Variants in NXPH4 observed in about 807,000 individuals in gnomAD.
NXPH4 encodes the protein neurexophilin-4.
Under a neutral mutation model 21.3 loss-of-function variants are expected in NXPH4, and 8 were observed. The ratio of observed to expected loss-of-function variants is 0.38; its 90% CI spans 0.22 to 0.68. NXPH4 has a LOEUF of 0.68. Ranked by LOEUF, NXPH4 falls within the 30% of genes least tolerant of loss-of-function variation. NXPH4 has a pLI of 0.53. For missense variants in NXPH4, 418 were observed against 416.8 expected (o/e 1.00, Z -0.03); for synonymous variants, 219 against 192.6 (o/e 1.14, Z -1.13).
chr12:57,224,904 C>A lies in NXPH4; in HGVS notation c.84C>A (p.Ser28=). Residue 28 remains serine (S), a synonymous_variant, in exon 2 of 2, where the codon TCC becomes TCA. Coordinates refer to ENST00000349394, the MANE Select transcript of NXPH4 (RefSeq NM_007224.4). ...RKAVSAQIPE[S]GRPQYLGLRP... is the part of the protein sequence containing the mutation. ...CCGTCAGTGCCCAGATACCAGAGTC[C>A]GGAAGGCCGCAGTACCTGGGGCTGC... The A allele has an allele frequency of 8.5e-7, 1 of 1,182,782 alleles. No individual in the cohort carries two copies. The highest frequency in any genetic ancestry group is 1.1e-6 in the Non-Finnish European group (1 of 882,836). 73.3% of individuals were successfully genotyped at this position (1,182,782 alleles called of 1,614,324 possible). A position where few individuals can be genotyped will look rare whatever the true frequency, so the allele number is the denominator to read the frequency against.
At position 57,216,841 on chromosome 12, in the gene NXPH4, TCCCGCCGC is replaced by T; in HGVS notation, c.-128_-121del. The T allele has an allele frequency of 5.4e-4, 1 of 1,846 alleles. No individual in the cohort carries two copies. The highest frequency in any genetic ancestry group is 2.1e-3 in the Non-Finnish European group (1 of 482). The allele number at this position is 1,846 out of a possible 1,614,324, so 0.1% of individuals were successfully genotyped here. ...CCCAGTCCGCGGGCCGCGCCGCCGC[TCCCGCCGC>T]TCCCGCCGCTCCCGCCGCTCCCGCA... is the stretch of plus-strand genomic sequence containing the variant. On this transcript the variant is annotated 5_prime_UTR_variant, in exon 1 of 2. Transcript: ENST00000349394. This position sits in a 1 kb window ranked among gnomAD's most constrained non-coding sequence, Gnocchi z 5.3.
rs1446267524 is a variant in NXPH4 at position 57,225,406 on chromosome 12, G to A, written c.586G>A (p.Ala196Thr). 4 of 1,601,852 alleles carry A rather than the reference G, an allele frequency of 2.5e-6. No homozygotes were observed. The highest frequency in any genetic ancestry group is 2.5e-6 in the Non-Finnish European group (3 of 1,177,086). ...TGGGCTGGGGCCCCCGCTGGGGATG[G>A]CAGCAGCAGCGGCGGGGCCCGGGCT... ...LPGLGPPLGM[A>T]AAAAGPGLGG... is the part of the protein sequence containing the mutation. The change falls in exon 2 of 2, where the codon GCA (alanine) becomes ACA (threonine). Residue 196 changes from alanine to threonine, a missense_variant. By Grantham distance (58) the Ala-to-Thr change is moderately conservative. Transcript: ENST00000349394.
Position 57,226,238 on chromosome 12 carries a change from T to C in NXPH4, c.*491T>C, listed in dbSNP as rs2037147532. 5 of 361,672 alleles carry C rather than the reference T, an allele frequency of 1.4e-5. No individual in the cohort carries two copies. Among genetic ancestry groups the C allele is most frequent in the Non-Finnish European group, 2.0e-5 (4 of 201,502 alleles). The allele number at this position is 361,672 out of a possible 1,614,324, so 22.4% of individuals were successfully genotyped here. Reference sequence around the variant, plus strand: ...CCCACCATTCTGCCTGCCATATGCCTGTCCCCTTTTCCTCCAAACCCTATT... The same window carrying C: ...CCCACCATTCTGCCTGCCATATGCCCGTCCCCTTTTCCTCCAAACCCTATT... On this transcript the variant is annotated 3_prime_UTR_variant, in exon 2 of 2. Coordinates refer to ENST00000349394, the MANE Select transcript of NXPH4 (RefSeq NM_007224.4).
At position 57,225,089 on chromosome 12, in the gene NXPH4, G is replaced by A. The variant is rs764112892; in HGVS notation, c.269G>A (p.Arg90His). The A allele has an allele frequency of 2.0e-6, 3 of 1,481,740 alleles. No individual in the cohort carries two copies. Among genetic ancestry groups the A allele is most frequent in the Admixed American group, 2.5e-5 (1 of 39,792 alleles). The allele number at this position is 1,481,740 out of a possible 1,614,324, so 91.8% of individuals were successfully genotyped here. The stretch of plus-strand genomic sequence containing the variant: ...GCAGCCGGGGCGTTGCCCGCGCAGC[G>A]CACCAAGAGGAAGCCGTCCATCAAG... The part of the protein sequence containing the change: ...AGAAGALPAQ[R>H]TKRKPSIKAA... Residue 90 changes from arginine (R) to histidine (H), a missense_variant, in exon 2 of 2, where the codon CGC becomes CAC. Coordinates refer to ENST00000349394, the MANE Select transcript of NXPH4 (RefSeq NM_007224.4).
chr12:57,219,887 G>A (rs2037074027), intron 1 of NXPH4: 1 of 152,616 alleles, frequency 6.6e-6, no homozygotes, highest in Non-Finnish European at 1.5e-5. Context: ...GACTGGCGAA[G>A]AGGTGAGGTA....
rs1592676240 is a variant in NXPH4, at chr12:57,225,915, C to T, written c.*168C>T. 7 of 1,438,144 alleles carry T rather than the reference C, an allele frequency of 4.9e-6. No individual in the cohort carries two copies. Among genetic ancestry groups the T allele is most frequent in the Non-Finnish European group, 6.4e-6 (7 of 1,101,124 alleles). 89.1% of individuals were successfully genotyped at this position (1,438,144 alleles called of 1,614,324 possible). On this transcript the variant is annotated 3_prime_UTR_variant, in exon 2 of 2. Transcript: ENST00000349394. ...CCTCAGCTAGCGTGGGTGCCCTTTT[C>T]CTTATGCGGAGTGCCCGCAAGGCTG...
intron 1 of NXPH4, among the ~76,000 whole-genome samples, chr12:57,218,742 TTA>T (rs149492352): frequency 0.024 from 3,617 of 152,304 alleles, 144 homozygotes; most frequent in African/African-American, 0.083. Flanking sequence ...TTAGCCCAGC[TTA>T]TGTGCATGTG....
rs140909473 is a variant in NXPH4 at position 57,225,331 on chromosome 12, C to A, written c.511C>A (p.Pro171Thr). ...GTTCGGAGGAGTCTGGCTGCCCGGG[C>A]CTGTCCCCCACCCTCTGCAGTCTAC... ...VEFGGVWLPG[P>T]VPHPLQSTLA... is the part of the protein sequence containing the mutation. The change falls in exon 2 of 2, where the codon CCT becomes ACT. Residue 171 changes from proline to threonine, a missense_variant. Coordinates refer to ENST00000349394, the MANE Select transcript of NXPH4 (RefSeq NM_007224.4). 1.6e-3 allele frequency: 2,477 copies of A among 1,564,858 alleles called. 27 individuals carry two copies. In the African/African-American group the frequency reaches 0.03, roughly 19 times the overall value.
Position 57,226,283 on chromosome 12 carries a change from C to T in NXPH4, c.*536C>T, listed in dbSNP as rs368121304. The T allele has an allele frequency of 1.4e-4, 38 of 273,302 alleles. No individual in the cohort carries two copies. The South Asian group carries it at 5.5e-3, about 39-fold the overall frequency. The allele number at this position is 273,302 out of a possible 1,614,324, so 16.9% of individuals were successfully genotyped here. A position where few individuals can be genotyped will look rare whatever the true frequency, so the allele number is the denominator to read the frequency against. On this transcript the variant is annotated 3_prime_UTR_variant, in exon 2 of 2. Coordinates refer to ENST00000349394, the MANE Select transcript of NXPH4 (RefSeq NM_007224.4). ...CCTATTAGGGTACCGGAAGCAGAAC[C>T]CCTGGGCTGAGGCCCTGGCCCTGCC...
rs1565764766 is a variant in NXPH4, at chr12:57,225,712, T to C, written c.892T>C (p.Tyr298His). 1 of 1,613,764 alleles carries C rather than the reference T, an allele frequency of 6.2e-7. No homozygotes were observed. The highest frequency in any genetic ancestry group is 2.2e-5 in the East Asian group (1 of 44,874). Residue 298 changes from tyrosine (Y) to histidine (H), a missense_variant, in exon 2 of 2, where the codon TAT becomes CAT. Tyr to His is a moderately conservative substitution (Grantham distance 83, BLOSUM62 2). Coordinates refer to ENST00000349394, the MANE Select transcript of NXPH4 (RefSeq NM_007224.4). Reference protein sequence around the residue: ...YKLVQKVCPDYNFQSEHPYFG With the variant: ...YKLVQKVCPDHNFQSEHPYFG ...ACTGGTGCAGAAGGTGTGCCCAGACTATAACTTCCAGAGTGAGCACCCCTA... is the reference window on the plus strand; with the variant it reads ...ACTGGTGCAGAAGGTGTGCCCAGACCATAACTTCCAGAGTGAGCACCCCTA...
rs747431592 is a variant in NXPH4, at chr12:57,225,606, G to A, written c.786G>A (p.Thr262=). 6.2e-7 allele frequency: 1 copy of A among 1,613,486 alleles called. No homozygotes were observed. The highest frequency in any genetic ancestry group is 1.1e-5 in the South Asian group (1 of 91,082). The change falls in exon 2 of 2, where the codon ACG becomes ACA. Residue 262 remains threonine, a synonymous_variant. Coordinates refer to ENST00000349394, the MANE Select transcript of NXPH4 (RefSeq NM_007224.4). The part of the protein sequence containing the change: ...DPSQVCFTEH[T]QSQAAWLCAK... The stretch of plus-strand genomic sequence containing the variant: ...CGCAGGTGTGCTTCACCGAGCACAC[G>A]CAGAGCCAGGCCGCCTGGCTCTGTG...
chr12:57,217,090 G>C, intron 1 of NXPH4, 64 bp downstream of exon 1: 1 of 1,403,102 alleles, frequency 7.1e-7, no homozygotes, highest in Non-Finnish European at 9.8e-7. Context: ...AGGTCCCAGT[G>C]TGCGAGGGGC....
intron 1 of NXPH4, among the ~76,000 whole-genome samples, chr12:57,219,662 G>A (rs1271304720): frequency 1.3e-5 from 2 of 152,196 alleles, no homozygotes; most frequent in African/African-American, 4.8e-5. Context: ...CGCACAGCCT[G>A]GGCTAGGGCC....
At position 57,221,256 on chromosome 12, in the gene NXPH4, G is replaced by A. The variant is rs150181588; in HGVS notation, c.58-3622G>A. On this transcript the variant is annotated intron_variant, in intron 1 of 1. Coordinates refer to ENST00000349394, the MANE Select transcript of NXPH4 (RefSeq NM_007224.4). ...CACCGGCCCCTATTGCAGCACCCCT[G>A]CCTCTTTCTAGGTGCAGGGGCTCAG... is the stretch of plus-strand genomic sequence containing the variant. The A allele has an allele frequency of 1.0e-3, 458 of 442,030 alleles. 3 individuals carry two copies. Among genetic ancestry groups the A allele is most frequent in the African/African-American group, 8.4e-3 (420 of 49,856 alleles). 27.4% of individuals were successfully genotyped at this position (442,030 alleles called of 1,614,324 possible).
At chr12:57,221,187 T>C in intron 1 of NXPH4, 2 of 373,120 alleles carry the variant, frequency 5.4e-6, no homozygotes, top group Non-Finnish European at 1.1e-5. Context: ...CCACCCCACC[T>C]CTCTCCTCAC....
At chr12:57,217,158 A>T in intron 1 of NXPH4, 132 bp downstream of exon 1, 1 of 771,024 alleles carries the variant, frequency 1.3e-6, no homozygotes, top group South Asian at 1.8e-5. Context: ...GGCGCGGGGG[A>T]AGCGGACAGA....
chr12:57,224,820 C>T (rs2037125121), intron 1 of NXPH4, 58 bp from the exon 2 acceptor site: 1 of 558,050 alleles, frequency 1.8e-6, no homozygotes, highest in South Asian at 4.2e-5. Flanking sequence ...CGATAGGGCT[C>T]TGGCAGGATG....
chr12:57,221,279 C>T, intron 1 of NXPH4: 1 of 453,684 alleles, frequency 2.2e-6, no homozygotes, highest in East Asian at 7.0e-5. Flanking sequence ...TGCAGGGGCT[C>T]AGGATGCTCT....
At chr12:57,224,412 G>A (rs1482331086) in intron 1 of NXPH4, among the ~76,000 whole-genome samples, 2 of 152,184 alleles carry the variant, frequency 1.3e-5, no homozygotes, top group South Asian at 2.1e-4. Context: ...GTGAGTCACC[G>A]CGTGTGCCGG....
Sources: gnomAD v4.1 joint callset for allele counts (sites outside exome capture counted in the v4.1 genomes callset) on GRCh38, gnomAD v4.1.1 for gene constraint, Gnocchi (gnomAD v3.1) non-coding constraint, MANE v1.5 for transcripts, NCBI Gene and HGNC (gene_info 2026-07-23, HGNC 2026-07-21) for gene names.